Variants in SPNS2 observed in about 807,000 individuals in gnomAD.
SPNS2 encodes sphingosine-1-phosphate transporter SPNS2.
SPNS2 carries 37 observed loss-of-function variants against 57.6 expected under a neutral mutation model. The ratio of observed to expected loss-of-function variants is 0.64; its 90% CI spans 0.49 to 0.85. The LOEUF (loss-of-function observed/expected upper bound fraction) is 0.85. SPNS2 is among the 40% of genes least tolerant of loss of function. The pLI, the probability that SPNS2 is intolerant of heterozygous loss-of-function variation, is 0.00. For synonymous variants in SPNS2, 440 were observed against 346.9 expected (o/e 1.27, Z -2.98); for missense variants, 831 against 779.1 (o/e 1.07, Z -0.79).
chr17:4,533,783 G>A lies in SPNS2; in HGVS notation c.1279-5G>A, dbSNP rs548015841. On this transcript the variant is annotated splice_polypyrimidine_tract_variant and splice_region_variant and intron_variant, in intron 8 of 12. Coordinates refer to ENST00000329078, the MANE Select transcript of SPNS2 (RefSeq NM_001124758.3). ...CTGATGGTGGCTTTGCCTTCTCCCC[G>A]GCAGATCTGTATCTTCGTCGGGGAG... is the stretch of plus-strand genomic sequence containing the variant. 136 of 1,613,638 alleles carry A rather than the reference G, an allele frequency of 8.4e-5. No individual in the cohort carries two copies. Among genetic ancestry groups the A allele is most frequent in the African/African-American group, 1.1e-4 (8 of 75,036 alleles).
intron 2 of SPNS2, among the ~76,000 whole-genome samples, chr17:4,518,381 G>T (rs1452785111): frequency 6.6e-6 from 1 of 152,206 alleles, no homozygotes; most frequent in Non-Finnish European, 1.5e-5. Flanking sequence ...AAAATTAGCC[G>T]GGTGTGGTGG....
At chr17:4,509,463 C>T (rs947309291) in intron 1 of SPNS2, among the ~76,000 whole-genome samples, 2 of 152,216 alleles carry the variant, frequency 1.3e-5, no homozygotes, top group African/African-American at 4.8e-5. Flanking sequence ...ATGCTGTCAC[C>T]TGTGAAAGGA....
intron 11 of SPNS2, 143 bp downstream of exon 11, chr17:4,536,569 C>G (rs1905822947): frequency 9.3e-7 from 1 of 1,069,670 alleles, no homozygotes; most frequent in Non-Finnish European, 1.3e-6. Context: ...TGGGGTCCAG[C>G]CCTGAGGCCC....
Position 4,536,252 on chromosome 17 carries a change from A to C in SPNS2, c.1444-11A>C, listed in dbSNP as rs1905791806. 6.2e-7 allele frequency: 1 copy of C among 1,610,904 alleles called. No individual in the cohort carries two copies. The highest frequency in any genetic ancestry group is 1.1e-5 in the South Asian group (1 of 91,036). Reference sequence around the variant, plus strand: ...GGCTCTGCCCTGACATCCACCCCCAAATCCTCGCAGATCTCAGACCTGATC... The same window carrying C: ...GGCTCTGCCCTGACATCCACCCCCACATCCTCGCAGATCTCAGACCTGATC... On this transcript the variant is annotated splice_polypyrimidine_tract_variant and intron_variant, in intron 10 of 12. Transcript: ENST00000329078.
In SPNS2 at chr17:4,525,080, G is replaced by C; in HGVS notation, c.460G>C (p.Ala154Pro). Residue 154 changes from alanine (A) to proline (P), a missense_variant, in exon 3 of 13, where the codon GCT becomes CCT. This residue lies in a region of SPNS2 where 305 missense variants were observed against 378.3 expected (regional missense o/e 0.81). Transcript: ENST00000329078. ...QSVFICSFMV[A>P]APIFGYLGDR... The stretch of plus-strand genomic sequence containing the variant: ...AGTGTTCATCTGTAGCTTCATGGTG[G>C]CTGCCCCCATCTTCGGCTACCTGGG... 6.2e-7 allele frequency: 1 copy of C among 1,614,198 alleles called. No homozygotes were observed. The highest frequency in any genetic ancestry group is 8.5e-7 in the Non-Finnish European group (1 of 1,180,020).
At chr17:4,528,271 C>T (rs1331981522) in intron 3 of SPNS2, among the ~76,000 whole-genome samples, 1 of 151,994 alleles carries the variant, frequency 6.6e-6, no homozygotes, top group African/African-American at 2.4e-5. Flanking sequence ...GATCCTACCG[C>T]CTCAGCCTCC....
chr17:4,516,362 G>A (rs1003118870), intron 2 of SPNS2, among the ~76,000 whole-genome samples: 10 of 147,066 alleles, frequency 6.8e-5, no homozygotes, highest in Non-Finnish European at 1.3e-4. Flanking sequence ...CCGCTCATAG[G>A]TTTTGCTGTT....
intron 2 of SPNS2, among the ~76,000 whole-genome samples, chr17:4,514,104 C>T (rs375196273): frequency 5.9e-5 from 9 of 152,376 alleles, no homozygotes; most frequent in East Asian, 5.8e-4. Flanking sequence ...TGGCTGAGGC[C>T]ATGTTGGCGA....
At chr17:4,521,684 T>C (rs1597364898) in intron 2 of SPNS2, among the ~76,000 whole-genome samples, 1 of 152,276 alleles carries the variant, frequency 6.6e-6, no homozygotes, top group East Asian at 1.9e-4. Context: ...TACAATTAAA[T>C]AATTAGAAAC....
In SPNS2 at chr17:4,499,142, G is replaced by T; in HGVS notation, c.95G>T (p.Arg32Leu). The change falls in exon 1 of 13, where the codon CGA becomes CTA. Residue 32 changes from arginine to leucine, a missense_variant. Transcript: ENST00000329078. The surrounding 1 kb of genome is among the most constrained non-coding windows in gnomAD (Gnocchi z 5.2). ...CGGCGCCGGCGCCGGGGGGCGCAGC[G>T]AGGGGCTGGCGGTAGCGGTTGCTGC... is the stretch of plus-strand genomic sequence containing the variant. ...ERRRRRRGAQ[R>L]GAGGSGCCGA... is the part of the protein sequence containing the mutation. The T allele has an allele frequency of 8.5e-7, 1 of 1,176,964 alleles. No homozygotes were observed. The highest frequency in any genetic ancestry group is 3.7e-5 in the East Asian group (1 of 26,786). The allele number at this position is 1,176,964 out of a possible 1,614,324, so 72.9% of individuals were successfully genotyped here. A position where few individuals can be genotyped will look rare whatever the true frequency, so the allele number is the denominator to read the frequency against.
At chr17:4,534,779 G>A (rs1905690423) in intron 9 of SPNS2, among the ~76,000 whole-genome samples, 2 of 151,216 alleles carry the variant, frequency 1.3e-5, no homozygotes, top group African/African-American at 4.9e-5. Flanking sequence ...GCGGTGGCAG[G>A]GGTGCGCCAG....
Position 4,502,659 on chromosome 17 carries a change from G to A in SPNS2, c.370+3242G>A, listed in dbSNP as rs371012898. Among the ~76,000 whole-genome samples, 32 of 152,258 alleles carry A rather than the reference G, an allele frequency of 2.1e-4. No individual in the cohort carries two copies. The East Asian group carries it at 4.1e-3, about 19-fold the overall frequency. ...ATCATTCCCCTCCCGCCTGCCTCCC[G>A]GGTTGCGTGGGATAAATGAGACTGT... On this transcript the variant is annotated intron_variant, in intron 1 of 12. Transcript: ENST00000329078.
rs772185933 is a variant in SPNS2 at position 4,525,154 on chromosome 17, G to A, written c.534G>A (p.Trp178Ter). ...KVILSCGIFF[W>*]SAVTFSSSFI... ...TTCTCAGCTGCGGCATTTTCTTCTG[G>A]TCGGCCGTCACCTTCTCCAGCTCCT... Residue 178 changes from tryptophan (W) to a stop codon, truncating the protein, a stop_gained, in exon 3 of 13, where the codon TGG (tryptophan) becomes TGA (stop). Transcript: ENST00000329078. LOFTEE classifies it high-confidence loss of function. The A allele has an allele frequency of 6.2e-7, 1 of 1,614,148 alleles. No homozygotes were observed. Among genetic ancestry groups the A allele is most frequent in the Non-Finnish European group, 8.5e-7 (1 of 1,180,024 alleles).
intron 3 of SPNS2, among the ~76,000 whole-genome samples, chr17:4,529,117 G>T (rs948718131): frequency 6.6e-6 from 1 of 151,586 alleles, no homozygotes; most frequent in Non-Finnish European, 1.5e-5. Flanking sequence ...TGTATTTTTA[G>T]TAGAGATGGG....
At chr17:4,533,909 A>C in intron 9 of SPNS2, 56 bp downstream of exon 9, 14 of 1,252,722 alleles carry the variant, frequency 1.1e-5, no homozygotes, top group Non-Finnish European at 1.4e-5. Context: ...TCTTGACCTC[A>C]CAGGGGTGCC....
At chr17:4,517,229 C>T (rs1023360988) in intron 2 of SPNS2, among the ~76,000 whole-genome samples, 3 of 152,204 alleles carry the variant, frequency 2.0e-5, no homozygotes, top group Admixed American at 1.3e-4. Flanking sequence ...CCACTTCCTT[C>T]CCCATAGAGG....
chr17:4,499,434 C>T lies in SPNS2; in HGVS notation c.370+17C>T. The T allele has an allele frequency of 3.1e-6, 4 of 1,306,532 alleles. No homozygotes were observed. The highest frequency in any genetic ancestry group is 3.9e-6 in the Non-Finnish European group (4 of 1,023,424). The allele number at this position is 1,306,532 out of a possible 1,614,324, so 80.9% of individuals were successfully genotyped here. On this transcript the variant is annotated intron_variant, in intron 1 of 12. Transcript: ENST00000329078. This position sits in a 1 kb window ranked among gnomAD's most constrained non-coding sequence, Gnocchi z 5.2. ...CCGTGGCAGGTGAGCGAGTGCCCCA[C>T]CCAGCCCGAGGACCAAGACCCCACC... is the stretch of plus-strand genomic sequence containing the variant.
chr17:4,524,531 A>T (rs1905217202), intron 2 of SPNS2, among the ~76,000 whole-genome samples: 1 of 152,188 alleles, frequency 6.6e-6, no homozygotes, highest in African/African-American at 2.4e-5. Context: ...CTAAAATACA[A>T]GAATTAGCCA....
At position 4,538,028 on chromosome 17, in the gene SPNS2, T is replaced by C. The variant is rs1597373542; in HGVS notation, c.*580T>C. On this transcript the variant is annotated 3_prime_UTR_variant, in exon 13 of 13. Coordinates refer to ENST00000329078, the MANE Select transcript of SPNS2 (RefSeq NM_001124758.3). ...TTGGACGCAACCTGGCAAATGAAGCTGGGCGCCCAAGTCTCTGGGTACTCC... is the reference window on the plus strand; with the variant it reads ...TTGGACGCAACCTGGCAAATGAAGCCGGGCGCCCAAGTCTCTGGGTACTCC... 2.8e-6 allele frequency: 1 copy of C among 351,278 alleles called. No homozygotes were observed. Among genetic ancestry groups the C allele is most frequent in the African/African-American group, 2.1e-5 (1 of 46,676 alleles). The allele number at this position is 351,278 out of a possible 1,614,324, so 21.8% of individuals were successfully genotyped here.
Sources: allele counts gnomAD v4.1 joint callset (sites outside exome capture counted in the v4.1 genomes callset), GRCh38; gene constraint gnomAD v4.1.1; regional missense constraint gnomAD v4.1.1; non-coding constraint Gnocchi (gnomAD v3.1); transcripts MANE v1.5; gene names NCBI Gene and HGNC (gene_info 2026-07-23, HGNC 2026-07-21).